SFTPC: variants seen among roughly 807,000 people sequenced by gnomAD.
The protein encoded by SFTPC is BRICHOS domain containing 6.
Under a neutral mutation model 19.9 loss-of-function variants are expected in SFTPC, and 12 were observed. The ratio of observed to expected loss-of-function variants is 0.60; its 90% CI spans 0.39 to 0.98. SFTPC has a LOEUF of 0.98. SFTPC is among the 50% of genes least tolerant of loss of function. The pLI is 0.00. For synonymous variants in SFTPC, 123 were observed against 103.3 expected, an observed-to-expected ratio of 1.19 and a Z score of -1.16; for missense variants, 219 against 252.2, an observed-to-expected ratio of 0.87 and a Z score of 0.89.
In SFTPC at chr8:22,161,826, A is replaced by C. The variant is rs746473012; in HGVS notation, c.-3A>C. ...GAGAGGAGAGCATAGCACCTGCAGC[A>C]AGATGGATGTGGGCAGCAAAGAGGT... On this transcript the variant is annotated 5_prime_UTR_variant, in exon 1 of 6. Transcript: ENST00000679463. The C allele has an allele frequency of 6.2e-7, 1 of 1,614,096 alleles. No individual in the cohort carries two copies. Among genetic ancestry groups the C allele is most frequent in the South Asian group, 1.1e-5 (1 of 91,084 alleles).
chr8:22,158,541 C>T (rs979182106), upstream of SFTPC: 1 of 152,232 alleles, frequency 6.6e-6, no homozygotes, highest in Non-Finnish European at 1.5e-5. Context: ...GGAGTCAACC[C>T]AGAAACAGAC....
At chr8:22,159,566 A>C (rs1028639669), upstream of SFTPC, 7 of 374,246 alleles carry the variant, frequency 1.9e-5, no homozygotes, top group Non-Finnish European at 3.7e-5. Flanking sequence ...GTTTAAAAAA[A>C]GAAGGAGAAG....
chr8:22,160,383 C>T (rs1184944701), upstream of SFTPC, among the ~76,000 whole-genome samples: 12 of 152,146 alleles, frequency 7.9e-5, no homozygotes, highest in Admixed American at 7.2e-4. Flanking sequence ...CTTTAGGAGG[C>T]CGAGATCACT....
upstream of SFTPC, chr8:22,161,654 GC>G (rs2131810943): frequency 6.3e-7 from 1 of 1,587,434 alleles, no homozygotes; most frequent in Non-Finnish European, 8.5e-7. Context: ...CTCACAGGGG[GC>G]TTATCTGGGC....
chr8:22,158,217 G>A (rs1827572529), upstream of SFTPC, among the ~76,000 whole-genome samples: 1 of 152,232 alleles, frequency 6.6e-6, no homozygotes, highest in Admixed American at 6.5e-5. Flanking sequence ...GCCAGCAGGG[G>A]ATTCTCTGGT....
At chr8:22,164,106 A>C in intron 5 of SFTPC, 47 bp downstream of exon 5, 5 of 1,609,288 alleles carry the variant, frequency 3.1e-6, no homozygotes, top group Non-Finnish European at 4.2e-6. Context: ...CGCTCGGGCC[A>C]CCTGCCCGGG....
rs748954723 is a variant in SFTPC at position 22,163,518 on chromosome 8, C to T, written c.407C>T (p.Ala136Val). The T allele has an allele frequency of 6.2e-7, 1 of 1,613,534 alleles. No homozygotes were observed. The highest frequency in any genetic ancestry group is 1.7e-5 in the Admixed American group (1 of 60,026). The change falls in exon 4 of 6, where the codon GCT (alanine) becomes GTT (valine). Residue 136 changes from alanine (A) to valine (V), a missense_variant. Transcript: ENST00000679463. ...CCAGAGAGCATCCCCAGTCTTGAGG[C>T]TCTCACTAGAAAAGTCCACAACTTC... ...IAPESIPSLE[A>V]LTRKVHNFQA...
intron 1 of SFTPC, 115 bp from the exon 2 acceptor site, chr8:22,162,459 T>A: frequency 8.7e-7 from 1 of 1,152,120 alleles, no homozygotes; most frequent in Non-Finnish European, 1.3e-6. Flanking sequence ...TGTCCATCCA[T>A]CGCATCGGCT....
Position 22,161,869 on chromosome 8 carries a change from C to T in SFTPC, c.41C>T (p.Pro14Leu), listed in dbSNP as rs2131811698. Reference sequence around the variant, plus strand: ...AAAGAGGTCCTGATGGAGAGCCCGCCGGTGAGTGTGGTTGCGTGTGTGTAT... The same window carrying T: ...AAAGAGGTCCTGATGGAGAGCCCGCTGGTGAGTGTGGTTGCGTGTGTGTAT... ...GSKEVLMESP[P>L]DYSAAPRGRF... The change falls in exon 1 of 6, where the codon CCG becomes CTG. Residue 14 changes from proline (P) to leucine (L), a missense_variant and splice_region_variant. Transcript: ENST00000679463. 3.7e-6 allele frequency: 6 copies of T among 1,613,944 alleles called. No homozygotes were observed. The highest frequency in any genetic ancestry group is 5.1e-6 in the Non-Finnish European group (6 of 1,179,980).
At chr8:22,159,861 T>C, upstream of SFTPC, 1 of 1,287,844 alleles carries the variant, frequency 7.8e-7, no homozygotes, top group Non-Finnish European at 1.0e-6. Flanking sequence ...TACTCGTGAG[T>C]CAGCCGATCA....
chr8:22,159,988 C>A, upstream of SFTPC: 1 of 469,680 alleles, frequency 2.1e-6, no homozygotes, highest in Non-Finnish European at 3.7e-6. Context: ...TGAGGCCGAG[C>A]TGAGAGGATG....
chr8:22,157,677 T>A (rs1286487554), upstream of SFTPC: 1 of 152,160 alleles, frequency 6.6e-6, no homozygotes, highest in Non-Finnish European at 1.5e-5. Context: ...GTCTCTGAGG[T>A]AAAAACAATT....
chr8:22,162,803 T>C, intron 2 of SFTPC, 71 bp downstream of exon 2: 1 of 1,585,466 alleles, frequency 6.3e-7, no homozygotes, highest in Middle Eastern at 1.7e-4. Flanking sequence ...GGATGGGCGA[T>C]AGGAAACTGT....
chr8:22,162,516 G>T (rs2131814339), intron 1 of SFTPC, 58 bp from the exon 2 acceptor site: 2 of 1,592,830 alleles, frequency 1.3e-6, no homozygotes, highest in Non-Finnish European at 1.7e-6. Flanking sequence ...TGTATAGGGA[G>T]AAGAGGGGAC....
upstream of SFTPC, chr8:22,157,461 C>G (rs915105868): frequency 6.4e-6 from 1 of 156,662 alleles, no homozygotes; most frequent in African/African-American, 2.4e-5. Flanking sequence ...ACTTTCCCTA[C>G]TTAATCCTCT....
chr8:22,164,097 G>C (rs370783709), intron 5 of SFTPC, 38 bp downstream of exon 5: 1 of 1,610,394 alleles, frequency 6.2e-7, no homozygotes, highest in Non-Finnish European at 8.5e-7. Context: ...GCGGAGGAGC[G>C]CTCGGGCCAC....
upstream of SFTPC, among the ~76,000 whole-genome samples, chr8:22,160,984 G>T (rs1427331184): frequency 6.6e-6 from 1 of 152,162 alleles, no homozygotes; most frequent in Non-Finnish European, 1.5e-5. Flanking sequence ...ATTCGAGGAT[G>T]GGGAGACTGG....
At chr8:22,162,202 C>T (rs1827762051) in intron 1 of SFTPC, among the ~76,000 whole-genome samples, 1 of 152,054 alleles carries the variant, frequency 6.6e-6, no homozygotes, top group Admixed American at 6.6e-5. Context: ...AGGAGCTCGC[C>T]CGGTGGAGAA....
At chr8:22,158,862 C>T (rs1827603635), upstream of SFTPC, 1 of 152,376 alleles carries the variant, frequency 6.6e-6, no homozygotes, top group East Asian at 1.9e-4. Context: ...TAAGTGTTGG[C>T]TGTTTGCATG....
Sources: gnomAD v4.1 joint callset for allele counts (sites outside exome capture counted in the v4.1 genomes callset) on GRCh38, gnomAD v4.1.1 for gene constraint, MANE v1.5 for transcripts, NCBI Gene and HGNC (gene_info 2026-07-23, HGNC 2026-07-21) for gene names.